Variants in DTX2 observed in about 807,000 individuals in gnomAD.
DTX2 encodes the protein probable E3 ubiquitin-protein ligase DTX2.
Under a neutral mutation model 55.3 loss-of-function variants are expected in DTX2, and 29 were observed. That is an observed-to-expected ratio of 0.52 (90% CI 0.39 to 0.71). The LOEUF (loss-of-function observed/expected upper bound fraction) is 0.71, where lower values mean the gene tolerates loss of function less well. Among genes scored for constraint, DTX2 ranks in the 30% least tolerant of loss-of-function variants. DTX2 has a pLI of 0.00. For missense variants in DTX2, 537 were observed against 822.5 expected, an observed-to-expected ratio of 0.65 and a Z score of 4.25; for synonymous variants, 276 against 340.4, an observed-to-expected ratio of 0.81 and a Z score of 2.08.
rs1269475516 is a variant in DTX2 at position 76,490,333 on chromosome 7, C to A, written c.909-1820C>A. On this transcript the variant is annotated intron_variant, in intron 4 of 10. Transcript: ENST00000430490. The stretch of plus-strand genomic sequence containing the variant: ...GAGCGAGACTCCGTCCCCTCACCCC[C>A]CCAAAAAAAGAAAATTACCACTGGT... 5.9e-5 allele frequency among the ~76,000 whole-genome samples: 5 copies of A among 84,854 alleles called. 2 individuals carry two copies. In the South Asian group the frequency reaches 1.7e-3, roughly 29 times the overall value. 55.7% of individuals were successfully genotyped at this position (84,854 alleles called of 152,430 possible).
At chr7:76,466,474 C>A (rs1349012670) in intron 2 of DTX2, among the ~76,000 whole-genome samples, 8 of 151,434 alleles carry the variant, frequency 5.3e-5, no homozygotes, top group Non-Finnish European at 7.4e-5. Context: ...CCCCTTAGAA[C>A]ATCTAATCAT....
chr7:76,481,037 G>C (rs1427886357), intron 3 of DTX2, among the ~76,000 whole-genome samples: 1 of 152,236 alleles, frequency 6.6e-6, no homozygotes, highest in African/African-American at 2.4e-5. Context: ...AGGTTGAAGG[G>C]TTCCTTTGGC....
chr7:76,480,722 G>C lies in DTX2; in HGVS notation c.213G>C (p.Ser71=), dbSNP rs550961162. ...HSIPLGQADP[S]LAPYIIDLPS... is the part of the protein sequence containing the mutation. ...TCCCCTTGGGCCAGGCAGACCCCTC[G>C]CTGGCCCCTTACATTATTGACCTCC... The change falls in exon 3 of 11, where the codon TCG becomes TCC. Residue 71 remains serine (S), a synonymous_variant. Coordinates refer to ENST00000430490, the MANE Select transcript of DTX2 (RefSeq NM_001102594.3). The C allele has an allele frequency of 5.0e-6, 8 of 1,613,212 alleles. No individual in the cohort carries two copies. The East Asian group carries it at 6.7e-5, about 13-fold the overall frequency.
intron 4 of DTX2, among the ~76,000 whole-genome samples, chr7:76,490,755 A>C (rs1380106289): frequency 1.1e-5 from 1 of 92,052 alleles, no homozygotes; most frequent in Non-Finnish European, 2.2e-5. Context: ...CCACAGGTGC[A>C]TGCCACCACA....
intron 2 of DTX2, among the ~76,000 whole-genome samples, chr7:76,479,720 G>T (rs1223796241): frequency 6.6e-6 from 1 of 151,558 alleles, no homozygotes; most frequent in Non-Finnish European, 1.5e-5. Flanking sequence ...GGGAGGTGGA[G>T]GTTGCAGTGA....
intron 6 of DTX2, among the ~76,000 whole-genome samples, chr7:76,498,918 T>C (rs1440150084): frequency 1.3e-4 from 1 of 7,466 alleles, no homozygotes. Context: ...GTGTGTGGAG[T>C]GTGTGTGGAG....
At chr7:76,475,134 G>A (rs111922570) in intron 2 of DTX2, among the ~76,000 whole-genome samples, 23 of 150,668 alleles carry the variant, frequency 1.5e-4, no homozygotes, top group African/African-American at 4.7e-4. Context: ...TGGTGAAGCC[G>A]CGTCTCTACT....
At chr7:76,464,648 C>G (rs1806970917) in intron 2 of DTX2, among the ~76,000 whole-genome samples, 1 of 152,116 alleles carries the variant, frequency 6.6e-6, no homozygotes, top group African/African-American at 2.4e-5. Context: ...CCTCCCATCT[C>G]AGCCTCCCAA....
intron 8 of DTX2, chr7:76,503,133 T>C: frequency 2.1e-6 from 1 of 484,156 alleles, no homozygotes; most frequent in Middle Eastern, 5.5e-4. Context: ...AGGCTGTCTA[T>C]CCGACTGCAA....
rs778870566 is a variant in DTX2 at position 76,502,353 on chromosome 7, C to A, written c.1286C>A (p.Thr429Asn). The change falls in exon 8 of 11, where the codon ACT becomes AAT. Residue 429 changes from threonine to asparagine, a missense_variant. Around this residue, in one of 7 missense-constraint regions of DTX2, gnomAD observed 121 missense variants for 136.8 expected, o/e 0.88. Coordinates refer to ENST00000430490, the MANE Select transcript of DTX2 (RefSeq NM_001102594.3). ...LSTASGYSDV[T>N]DSKAIGSLAV... ...ACAGCGTCTGGATACAGCGATGTGA[C>A]TGACAGCAAGGCAATCGGGTCCCTA... 6 of 1,611,652 alleles carry A rather than the reference C, an allele frequency of 3.7e-6. No homozygotes were observed. The highest frequency in any genetic ancestry group is 5.1e-6 in the Non-Finnish European group (6 of 1,179,534).
intron 4 of DTX2, among the ~76,000 whole-genome samples, chr7:76,491,188 G>A (rs186018731): frequency 0.01 from 1,555 of 151,524 alleles, 31 homozygotes; most frequent in African/African-American, 0.036. Context: ...AGTAGAGACA[G>A]GATTTTGCCA....
At chr7:76,468,058 G>A (rs1325858156) in intron 2 of DTX2, among the ~76,000 whole-genome samples, 9 of 152,412 alleles carry the variant, frequency 5.9e-5, no homozygotes, top group East Asian at 3.9e-4. Flanking sequence ...CTGAGGATCC[G>A]GGGGGAATGG....
chr7:76,503,695 G>A, intron 9 of DTX2, 108 bp downstream of exon 9: 1 of 1,116,812 alleles, frequency 9.0e-7, no homozygotes, highest in Non-Finnish European at 1.3e-6. Flanking sequence ...ATGTGGCCAA[G>A]CTCAGGCCCC....
At chr7:76,481,980 G>C (rs146074154) in intron 3 of DTX2, among the ~76,000 whole-genome samples, 170 of 151,914 alleles carry the variant, frequency 1.1e-3, no homozygotes, top group African/African-American at 4.0e-3. Context: ...TTACAGGCTC[G>C]AGCCGTCATG....
chr7:76,465,029 C>CG, intron 2 of DTX2, among the ~76,000 whole-genome samples: 1 of 150,880 alleles, frequency 6.6e-6, no homozygotes, highest in Admixed American at 6.6e-5. Flanking sequence ...AACTTCACCT[C>CG]CCAGGCTCAA....
In DTX2 at chr7:76,494,936, G is replaced by A. The variant is rs1336379694; in HGVS notation, c.1010-2401G>A. 2.0e-5 allele frequency among the ~76,000 whole-genome samples: 2 copies of A among 98,826 alleles called. 1 individual carries two copies. The highest frequency in any genetic ancestry group is 4.4e-5 in the Non-Finnish European group (2 of 45,564). 64.8% of individuals were successfully genotyped at this position (98,826 alleles called of 152,430 possible). A position where few individuals can be genotyped will look rare whatever the true frequency, so the allele number is the denominator to read the frequency against. ...GAGGAATTATACCATGCCCGGCTGCGGAGACGAGCGTTTGCGCACAGGCTT... is the reference window on the plus strand; with the variant it reads ...GAGGAATTATACCATGCCCGGCTGCAGAGACGAGCGTTTGCGCACAGGCTT... On this transcript the variant is annotated intron_variant, in intron 5 of 10. Coordinates refer to ENST00000430490, the MANE Select transcript of DTX2 (RefSeq NM_001102594.3).
intron 8 of DTX2, 120 bp downstream of exon 8, chr7:76,502,576 G>A: frequency 1.7e-6 from 2 of 1,173,122 alleles, no homozygotes; most frequent in Non-Finnish European, 2.4e-6. Flanking sequence ...AAAAGATGGT[G>A]CTGGGCGTGG....
intron 4 of DTX2, among the ~76,000 whole-genome samples, chr7:76,490,995 CTTTTTTT>C (rs773754831): frequency 4.7e-5 from 3 of 63,370 alleles, no homozygotes; most frequent in African/African-American, 1.8e-4. Context: ...TGAGAACCTG[CTTTTTTT>C]TTTTTTTTTT....
At position 76,505,172 on chromosome 7, in the gene DTX2, A is replaced by G. The variant is rs1270435116; in HGVS notation, c.1642-202A>G. 1.3e-5 allele frequency among the ~76,000 whole-genome samples: 2 copies of G among 152,018 alleles called. No homozygotes were observed. Among genetic ancestry groups the G allele is most frequent in the East Asian group, 3.9e-4 (2 of 5,166 alleles). On this transcript the variant is annotated intron_variant, in intron 10 of 10. Coordinates refer to ENST00000430490, the MANE Select transcript of DTX2 (RefSeq NM_001102594.3). The surrounding 1 kb of genome is among the most constrained non-coding windows in gnomAD (Gnocchi z 4.4). ...CAGGCACTGAGGCGGGGTGGGCTGG[A>G]GCCCAGGTTCATGTGGGATCCTAAT...
Sources: gnomAD v4.1 joint callset for allele counts (sites outside exome capture counted in the v4.1 genomes callset) on GRCh38, gnomAD v4.1.1 for gene constraint, gnomAD v4.1.1 regional missense constraint, Gnocchi (gnomAD v3.1) non-coding constraint, MANE v1.5 for transcripts, NCBI Gene and HGNC (gene_info 2026-07-23, HGNC 2026-07-21) for gene names.